Variants in PRIM2 observed in about 807,000 individuals in gnomAD.
PRIM2 encodes DNA primase subunit 2.
In PRIM2, 39 loss-of-function variants were observed where a neutral mutation model predicts 67.3. That is an observed-to-expected ratio of 0.58 (90% CI 0.45 to 0.76). The LOEUF (loss-of-function observed/expected upper bound fraction) is 0.76, where lower values mean the gene tolerates loss of function less well. Among genes scored for constraint, PRIM2 ranks in the 30% least tolerant of loss-of-function variants. PRIM2 has a pLI of 0.00. For synonymous variants in PRIM2, 143 were observed against 198.7 expected (o/e 0.72, Z 2.36); for missense variants, 398 against 598.7 (o/e 0.66, Z 3.50).
At chr6:57,238,618 T>C in the PRIM2 span, among the ~76,000 whole-genome samples, 2 of 152,076 alleles carry the variant, frequency 1.3e-5, no homozygotes, top group East Asian at 3.9e-4. Flanking sequence ...GCAGGAAAGA[T>C]CTAAAATGGA....
At chr6:57,602,150 C>T (rs1776482360) in intron 11 of PRIM2, among the ~76,000 whole-genome samples, 1 of 151,452 alleles carries the variant, frequency 6.6e-6, no homozygotes, top group African/African-American at 2.4e-5. Context: ...GTCTCCACCT[C>T]CTGGGTTCAA....
chr6:57,390,751 G>A (rs1581856007), intron 7 of PRIM2, among the ~76,000 whole-genome samples: 1 of 152,154 alleles, frequency 6.6e-6, no homozygotes, highest in Admixed American at 6.5e-5. Flanking sequence ...ATTCCATAAT[G>A]TATGTGTACC....
rs1270616720 is a variant in PRIM2, at chr6:57,345,474, A to G, written c.459+19429A>G. On this transcript the variant is annotated intron_variant, in intron 5 of 13. Coordinates refer to ENST00000615550, the MANE Select transcript of PRIM2 (RefSeq NM_000947.5). Reference sequence around the variant, plus strand: ...GAGCCACCATGCCTGATATATATATATGTGTGTGTGTGTGTGTGTGTGTGT... The same window carrying G: ...GAGCCACCATGCCTGATATATATATGTGTGTGTGTGTGTGTGTGTGTGTGT... 6.4e-3 allele frequency among the ~76,000 whole-genome samples: 801 copies of G among 124,626 alleles called. 8 individuals are homozygous for G. The highest frequency in any genetic ancestry group is 0.019 in the African/African-American group (611 of 31,396). 81.8% of individuals were successfully genotyped at this position (124,626 alleles called of 152,430 possible). A position where few individuals can be genotyped will look rare whatever the true frequency, so the allele number is the denominator to read the frequency against.
At chr6:57,643,530 T>C (rs1450241051) in intron 13 of PRIM2, among the ~76,000 whole-genome samples, 1 of 152,226 alleles carries the variant, frequency 6.6e-6, no homozygotes, top group East Asian at 1.9e-4. Context: ...TAATCTCTGA[T>C]TCTCTGTTTA....
At chr6:57,302,278 T>A in the PRIM2 span, among the ~76,000 whole-genome samples, 1 of 152,176 alleles carries the variant, frequency 6.6e-6, no homozygotes, top group East Asian at 1.9e-4. Flanking sequence ...TGAATATGGA[T>A]AGAGAGATAG....
At chr6:57,547,316 A>T (rs1393124406) in intron 10 of PRIM2, among the ~76,000 whole-genome samples, 1 of 152,088 alleles carries the variant, frequency 6.6e-6, no homozygotes. Context: ...ACCTGAGTAT[A>T]TTTTGTGCTG....
chr6:57,540,829 C>A (rs1775133601), intron 10 of PRIM2, among the ~76,000 whole-genome samples: 2 of 152,094 alleles, frequency 1.3e-5, no homozygotes, highest in African/African-American at 4.8e-5. Context: ...ATTTAATAGC[C>A]CCACCCTGTT....
At chr6:57,374,041 A>G (rs1424360189) in intron 5 of PRIM2, among the ~76,000 whole-genome samples, 1 of 152,140 alleles carries the variant, frequency 6.6e-6, no homozygotes, top group African/African-American at 2.4e-5. Context: ...ATCAGACAGT[A>G]TGGACATTTT....
At chr6:57,310,367 G>C (rs1250210962), upstream of PRIM2, among the ~76,000 whole-genome samples, 1 of 152,152 alleles carries the variant, frequency 6.6e-6, no homozygotes, top group Non-Finnish European at 1.5e-5. Flanking sequence ...GGGGGTTGAG[G>C]GTAAGGTTAT....
At chr6:57,617,796 T>C (rs1382477804) in intron 12 of PRIM2, among the ~76,000 whole-genome samples, 1 of 152,202 alleles carries the variant, frequency 6.6e-6, no homozygotes, top group East Asian at 1.9e-4. Flanking sequence ...GCTTTTAGTG[T>C]CATAATTATC....
the PRIM2 span, among the ~76,000 whole-genome samples, chr6:57,262,721 C>T: frequency 6.6e-6 from 1 of 152,180 alleles, no homozygotes; most frequent in African/African-American, 2.4e-5. Flanking sequence ...AATAGCTGGG[C>T]TTGTGCCTAG....
At chr6:57,268,535 T>C in the PRIM2 span, among the ~76,000 whole-genome samples, 25,162 of 152,020 alleles carry the variant, frequency 0.17, 3,756 homozygotes, top group African/African-American at 0.39. Flanking sequence ...TTTAATTGAG[T>C]TTTAAAAAGA....
At chr6:57,445,085 C>T (rs1772321991) in intron 7 of PRIM2, among the ~76,000 whole-genome samples, 1 of 152,080 alleles carries the variant, frequency 6.6e-6, no homozygotes, top group African/African-American at 2.4e-5. Flanking sequence ...CTGCTTTTTC[C>T]TGTTGACTAA....
chr6:57,239,927 C>G, the PRIM2 span, among the ~76,000 whole-genome samples: 4 of 152,220 alleles, frequency 2.6e-5, no homozygotes, highest in South Asian at 6.2e-4. Context: ...ACCATGCTAA[C>G]TCTAACTCAT....
intron 13 of PRIM2, among the ~76,000 whole-genome samples, chr6:57,644,819 G>A (rs1323257702): frequency 6.6e-6 from 1 of 152,172 alleles, no homozygotes; most frequent in Non-Finnish European, 1.5e-5. Flanking sequence ...TGATATTTTT[G>A]TTGTCAACTC....
At chr6:57,566,858 T>G (rs1202177133) in intron 10 of PRIM2, among the ~76,000 whole-genome samples, 3 of 152,154 alleles carry the variant, frequency 2.0e-5, no homozygotes, top group Admixed American at 6.5e-5. Flanking sequence ...ATTACTTGGA[T>G]TCAAATTCTT....
At chr6:57,616,322 A>G (rs1163730332) in intron 12 of PRIM2, among the ~76,000 whole-genome samples, 2 of 152,208 alleles carry the variant, frequency 1.3e-5, no homozygotes, top group Non-Finnish European at 2.9e-5. Context: ...TGGAGAAGGC[A>G]AGAAACTGCT....
chr6:57,453,667 C>T (rs1287591059), intron 7 of PRIM2, among the ~76,000 whole-genome samples: 180 of 152,278 alleles, frequency 1.2e-3, no homozygotes, highest in African/African-American at 4.1e-3. Flanking sequence ...AGTTGCCTAT[C>T]AGCTTAAGGA....
At chr6:57,336,203 A>G (rs1226244271) in intron 5 of PRIM2, among the ~76,000 whole-genome samples, 3 of 152,206 alleles carry the variant, frequency 2.0e-5, no homozygotes, top group African/African-American at 7.2e-5. Flanking sequence ...GAAATATGGG[A>G]CTATGTGAAA....
Sources: gnomAD v4.1 joint callset for allele counts (sites outside exome capture counted in the v4.1 genomes callset) on GRCh38, gnomAD v4.1.1 for gene constraint, MANE v1.5 for transcripts, NCBI Gene and HGNC (gene_info 2026-07-23, HGNC 2026-07-21) for gene names.